Variants in TGS1 observed in about 807,000 individuals in gnomAD.
TGS1 encodes the protein trimethylguanosine synthase 1.
In TGS1, 69 loss-of-function variants were observed where a neutral mutation model predicts 92.2. That is an observed-to-expected ratio of 0.75 (90% CI 0.62 to 0.91). The LOEUF (loss-of-function observed/expected upper bound fraction) is 0.91. Among genes scored for constraint, TGS1 ranks in the 40% least tolerant of loss-of-function variants. The pLI, the probability that TGS1 is intolerant of heterozygous loss-of-function variation, is 0.00. For missense variants in TGS1, 1,062 were observed against 1,001.2 expected, an observed-to-expected ratio of 1.06 and a Z score of -0.82; for synonymous variants, 345 against 338.1, an observed-to-expected ratio of 1.02 and a Z score of -0.22.
chr8:55,790,826 A>G (rs1425933476), intron 5 of TGS1, among the ~76,000 whole-genome samples: 1 of 152,114 alleles, frequency 6.6e-6, no homozygotes, highest in Non-Finnish European at 1.5e-5. Context: ...GCCTAAGTAC[A>G]TTTCTTAATT....
At position 55,773,455 on chromosome 8, in the gene TGS1, G is replaced by A. The variant is rs1811268723; in HGVS notation, c.-164G>A. 5 of 510,822 alleles carry A rather than the reference G, an allele frequency of 9.8e-6. No individual in the cohort carries two copies. Among genetic ancestry groups the A allele is most frequent in the Non-Finnish European group, 1.7e-5 (5 of 295,286 alleles). 31.6% of individuals were successfully genotyped at this position (510,822 alleles called of 1,614,324 possible). A position where few individuals can be genotyped will look rare whatever the true frequency, so the allele number is the denominator to read the frequency against. ...GTGGCCCCTCGGAGCCACTTCCGGC[G>A]GCAGCGTCCGGGCTAGTTCCCGGCG... is the stretch of plus-strand genomic sequence containing the variant. On this transcript the variant is annotated 5_prime_UTR_variant, in exon 1 of 13. Transcript: ENST00000260129.
intron 9 of TGS1, among the ~76,000 whole-genome samples, chr8:55,804,518 G>A (rs1314856930): frequency 6.6e-6 from 1 of 152,178 alleles, no homozygotes; most frequent in Non-Finnish European, 1.5e-5. Flanking sequence ...TGAAATAATT[G>A]GGAAACTCAG....
chr8:55,786,004 T>C, intron 3 of TGS1, 113 bp downstream of exon 3: 1 of 831,518 alleles, frequency 1.2e-6, no homozygotes, highest in Non-Finnish European at 1.8e-6. Context: ...TCTCTACCTC[T>C]TTTTAAATGT....
intron 4 of TGS1, 174 bp from the exon 5 acceptor site, chr8:55,790,008 A>T (rs1174089407): frequency 1.6e-5 from 9 of 554,160 alleles, no homozygotes; most frequent in Non-Finnish European, 2.9e-5. Context: ...TAAGATTTTT[A>T]AAATGCTCAG....
rs1047234489 is a variant in TGS1 at position 55,806,356 on chromosome 8, C to CAAA, written c.2143+1339_2143+1341dup. Among the ~76,000 whole-genome samples, 69 of 38,534 alleles carry CAAA rather than the reference C, an allele frequency of 1.8e-3. 2 individuals carry two copies. The highest frequency in any genetic ancestry group is 3.4e-3 in the African/African-American group (39 of 11,422). 25.3% of individuals were successfully genotyped at this position (38,534 alleles called of 152,430 possible). A position where few individuals can be genotyped will look rare whatever the true frequency, so the allele number is the denominator to read the frequency against. ...TGGGCAACAGAGCGAGACTCCACCT[C>CAAA]AAAAAAAAAAAAAAAAAAAAAGACA... On this transcript the variant is annotated intron_variant, in intron 10 of 12. Transcript: ENST00000260129.
intron 1 of TGS1, among the ~76,000 whole-genome samples, chr8:55,779,418 C>G (rs1811493279): frequency 6.6e-6 from 1 of 152,208 alleles, no homozygotes; most frequent in South Asian, 2.1e-4. Context: ...TGAGGAAAGG[C>G]CTTTCTGCCT....
intron 10 of TGS1, among the ~76,000 whole-genome samples, chr8:55,807,035 T>A (rs1803185483): frequency 6.6e-6 from 1 of 151,978 alleles, no homozygotes. Flanking sequence ...TGCATGCCAT[T>A]CTCCTGCCTC....
In TGS1 at chr8:55,824,597, G is replaced by A; in HGVS notation, c.2456G>A (p.Gly819Glu). ...TCTTTTTAGGTGGCATCCTTAGCTG[G>A]GCCTGGAGGGCAAGTGGAAATAGAA... The part of the protein sequence containing the change: ...ADIDQVASLA[G>E]PGGQVEIEQN... The change falls in exon 13 of 13, where the codon GGG becomes GAG. Residue 819 changes from glycine to glutamate, a missense_variant. Physicochemically the swap from Gly to Glu is moderately conservative, Grantham distance 98. Coordinates refer to ENST00000260129, the MANE Select transcript of TGS1 (RefSeq NM_024831.8). 6.2e-7 allele frequency: 1 copy of A among 1,614,150 alleles called. No homozygotes were observed. Among genetic ancestry groups the A allele is most frequent in the Non-Finnish European group, 8.5e-7 (1 of 1,180,030 alleles).
chr8:55,797,928 A>G (rs1243317842), intron 7 of TGS1, among the ~76,000 whole-genome samples: 1 of 152,156 alleles, frequency 6.6e-6, no homozygotes, highest in Non-Finnish European at 1.5e-5. Context: ...TTTATTTTGT[A>G]TTACATTTCA....
In TGS1 at chr8:55,773,687, G is replaced by C. The variant is rs761903979; in HGVS notation, c.69G>C (p.Lys23Asn). The C allele has an allele frequency of 6.2e-7, 1 of 1,611,348 alleles. No homozygotes were observed. Among genetic ancestry groups the C allele is most frequent in the African/African-American group, 1.3e-5 (1 of 74,842 alleles). ...FLFIEEREDC[K>N]ILCLCSRAFV... is the part of the protein sequence containing the mutation. Reference sequence around the variant, plus strand: ...TCATTGAGGAGCGGGAGGATTGTAAGATACTGTGCCTTTGCTCCAGGGCAT... The same window carrying C: ...TCATTGAGGAGCGGGAGGATTGTAACATACTGTGCCTTTGCTCCAGGGCAT... The change falls in exon 1 of 13, where the codon AAG (lysine) becomes AAC (asparagine). Residue 23 changes from lysine (K) to asparagine (N), a missense_variant. Transcript: ENST00000260129.
intron 10 of TGS1, among the ~76,000 whole-genome samples, chr8:55,807,186 G>T (rs1453372599): frequency 1.3e-5 from 2 of 151,852 alleles, no homozygotes; most frequent in Admixed American, 1.3e-4. Flanking sequence ...CCTCAGCCTC[G>T]CAAAGTGCTG....
Position 55,773,538 on chromosome 8 carries a change from T to C in TGS1, c.-81T>C, listed in dbSNP as rs1811276843. ...TCCAGGGCTTGCGGGCGAGGCCTGT[T>C]TTAAGTCTCCAGTAACCGAGCGGAG... is the stretch of plus-strand genomic sequence containing the variant. On this transcript the variant is annotated 5_prime_UTR_variant, in exon 1 of 13. Transcript: ENST00000260129. 1 of 1,111,006 alleles carries C rather than the reference T, an allele frequency of 9.0e-7. No homozygotes were observed. The highest frequency in any genetic ancestry group is 1.3e-6 in the Non-Finnish European group (1 of 760,878). The allele number at this position is 1,111,006 out of a possible 1,614,324, so 68.8% of individuals were successfully genotyped here.
chr8:55,813,354 C>A (rs188855476), intron 12 of TGS1, among the ~76,000 whole-genome samples: 1 of 152,296 alleles, frequency 6.6e-6, no homozygotes, highest in East Asian at 1.9e-4. Context: ...TTTGACTAGA[C>A]ATATTGAAAG....
At chr8:55,798,110 A>G (rs1812111588) in intron 7 of TGS1, among the ~76,000 whole-genome samples, 1 of 152,182 alleles carries the variant, frequency 6.6e-6, no homozygotes, top group African/African-American at 2.4e-5. Flanking sequence ...GCTACTAAGC[A>G]TTGCTGAGGA....
intron 8 of TGS1, among the ~76,000 whole-genome samples, chr8:55,802,038 A>C (rs1344858004): frequency 6.6e-6 from 1 of 152,110 alleles, no homozygotes; most frequent in African/African-American, 2.4e-5. Context: ...ACTAAAATAC[A>C]AAAAAATTAG....
chr8:55,785,000 T>C (rs1278977829), intron 2 of TGS1, among the ~76,000 whole-genome samples: 1 of 152,116 alleles, frequency 6.6e-6, no homozygotes, highest in African/African-American at 2.4e-5. Context: ...ATTCTTCCGT[T>C]GATTCTTCAT....
chr8:55,780,503 C>G (rs1472630324), intron 1 of TGS1, among the ~76,000 whole-genome samples: 3 of 152,162 alleles, frequency 2.0e-5, no homozygotes, highest in Non-Finnish European at 4.4e-5. Context: ...AGTATACCAT[C>G]ATGGGTGATG....
chr8:55,822,430 A>ATT (rs1272381459), intron 12 of TGS1, among the ~76,000 whole-genome samples: 2 of 152,090 alleles, frequency 1.3e-5, no homozygotes, highest in Non-Finnish European at 2.9e-5. Flanking sequence ...TTTTTAAGTT[A>ATT]TTTGTTAAAG....
At chr8:55,822,141 C>T (rs1288059848) in intron 12 of TGS1, among the ~76,000 whole-genome samples, 3 of 151,186 alleles carry the variant, frequency 2.0e-5, no homozygotes, top group Admixed American at 6.6e-5. Flanking sequence ...GCGATCTCAG[C>T]TCACTGCAAG....
Sources: allele counts gnomAD v4.1 joint callset (sites outside exome capture counted in the v4.1 genomes callset), GRCh38; gene constraint gnomAD v4.1.1; transcripts MANE v1.5; gene names NCBI Gene and HGNC (gene_info 2026-07-23, HGNC 2026-07-21).